The following LARGE1 variants were observed in gnomAD, a reference collection of about 807,000 sequenced individuals.
LARGE1 encodes LARGE xylosyl- and glucuronyltransferase 1.
Under a neutral mutation model 87.6 loss-of-function variants are expected in LARGE1, and 43 were observed. The observed-to-expected ratio is 0.49, with a 90% CI of 0.38 to 0.63. LARGE1 has a LOEUF of 0.63. LARGE1 is among the 30% of genes least tolerant of loss of function. The pLI, the probability that LARGE1 is intolerant of heterozygous loss-of-function variation, is 0.00. For synonymous variants in LARGE1, 434 were observed against 394.6 expected (o/e 1.10, Z -1.18); for missense variants, 802 against 1,000.2 (o/e 0.80, Z 2.67).
At chr22:33,907,353 CT>C (rs2065484386) in intron 1 of LARGE1, among the ~76,000 whole-genome samples, 1 of 152,224 alleles carries the variant, frequency 6.6e-6, no homozygotes, top group South Asian at 2.1e-4. Context: ...TCTTTAGGCA[CT>C]GCTGCTAAGC....
At chr22:33,765,206 ACTACTAGTAAGAGG>A (rs1485285073) in intron 1 of LARGE1, among the ~76,000 whole-genome samples, 4 of 152,142 alleles carry the variant, frequency 2.6e-5, no homozygotes, top group Non-Finnish European at 5.9e-5. Flanking sequence ...AGGATTATAC[ACTACTAGTAAGAGG>A]CAAAAACACC....
At chr22:33,920,668 G>C (rs1397485871), upstream of LARGE1, among the ~76,000 whole-genome samples, 1 of 145,572 alleles carries the variant, frequency 6.9e-6, no homozygotes, top group Admixed American at 6.8e-5. Context: ...TCACGGGAGC[G>C]GAGGCGCGGC....
intron 6 of LARGE1, among the ~76,000 whole-genome samples, chr22:33,524,184 A>G (rs1008239724): frequency 2.6e-5 from 4 of 151,708 alleles, no homozygotes; most frequent in African/African-American, 9.7e-5. Flanking sequence ...CCAGCTACTC[A>G]GGAGGCTGAG....
At chr22:33,537,421 C>G (rs2077073287) in intron 6 of LARGE1, among the ~76,000 whole-genome samples, 1 of 152,198 alleles carries the variant, frequency 6.6e-6, no homozygotes, top group Non-Finnish European at 1.5e-5. Context: ...CGCTTCTTCT[C>G]TCTGCAGCCA....
At chr22:33,303,233 G>A (rs1189328301) in intron 12 of LARGE1, among the ~76,000 whole-genome samples, 1 of 152,146 alleles carries the variant, frequency 6.6e-6, no homozygotes, top group South Asian at 2.1e-4. Context: ...CCATGATGTG[G>A]GGGGAGCTGG....
intron 5 of LARGE1, among the ~76,000 whole-genome samples, chr22:33,576,924 T>C (rs920178899): frequency 1.3e-5 from 2 of 152,178 alleles, no homozygotes; most frequent in Non-Finnish European, 2.9e-5. Flanking sequence ...GTGTAACCCA[T>C]CTATTCTTTT....
intron 6 of LARGE1, among the ~76,000 whole-genome samples, chr22:33,481,129 G>GC (rs2069303396): frequency 6.7e-6 from 1 of 148,420 alleles, no homozygotes; most frequent in Admixed American, 6.7e-5. Flanking sequence ...AAATTGCCCT[G>GC]CAAAAAAAAA....
intron 1 of LARGE1, among the ~76,000 whole-genome samples, chr22:33,857,997 C>G (rs2063803961): frequency 6.6e-6 from 1 of 152,138 alleles, no homozygotes. Flanking sequence ...TGGCAAGCCT[C>G]GTGTTCTCTG....
intron 7 of LARGE1, among the ~76,000 whole-genome samples, chr22:33,394,381 G>A (rs1027046036): frequency 6.6e-6 from 1 of 152,048 alleles, no homozygotes; most frequent in African/African-American, 2.4e-5. Flanking sequence ...TGTATTTTTA[G>A]TAGAGACGGG....
chr22:33,696,017 A>G (rs2082233836), intron 2 of LARGE1, among the ~76,000 whole-genome samples: 1 of 152,204 alleles, frequency 6.6e-6, no homozygotes, highest in Non-Finnish European at 1.5e-5. Flanking sequence ...CTCTCATAAC[A>G]TCAAGTTTCT....
intron 1 of LARGE1, among the ~76,000 whole-genome samples, chr22:33,788,304 C>T (rs1171949738): frequency 6.6e-6 from 1 of 152,194 alleles, no homozygotes; most frequent in East Asian, 1.9e-4. Flanking sequence ...TTCTCCTTTG[C>T]CTTCCCAGCC....
chr22:33,413,560 A>G (rs183450934), intron 7 of LARGE1, among the ~76,000 whole-genome samples: 3 of 151,792 alleles, frequency 2.0e-5, no homozygotes, highest in Non-Finnish European at 4.4e-5. Flanking sequence ...TGCCTGCCCA[A>G]TTCAAGCAAT....
At chr22:33,108,193 C>T in the LARGE1 span, among the ~76,000 whole-genome samples, 2 of 152,108 alleles carry the variant, frequency 1.3e-5, no homozygotes, top group South Asian at 4.2e-4. Flanking sequence ...CAGTACTCAG[C>T]GTGTACTCAT....
chr22:33,391,851 C>T (rs934326071), intron 7 of LARGE1, among the ~76,000 whole-genome samples: 9 of 148,064 alleles, frequency 6.1e-5, no homozygotes, highest in African/African-American at 2.2e-4. Flanking sequence ...CTCACTGCAA[C>T]CTCTGCCTCC....
intron 11 of LARGE1, among the ~76,000 whole-genome samples, chr22:33,315,743 C>A (rs140986902): frequency 0.01 from 1,591 of 152,204 alleles, 26 homozygotes; most frequent in African/African-American, 0.036. Flanking sequence ...CATTCTCCTG[C>A]CTCAGCCTCC....
intron 1 of LARGE1, among the ~76,000 whole-genome samples, chr22:33,832,568 GCATGGAAGT>G (rs2063001804): frequency 6.6e-6 from 1 of 152,304 alleles, no homozygotes; most frequent in South Asian, 2.1e-4. Flanking sequence ...GGCCTCAACA[GCATGGAAGT>G]CAGGAAGGGT....
chr22:33,553,631 C>G (rs906878352), intron 6 of LARGE1, among the ~76,000 whole-genome samples: 1 of 152,170 alleles, frequency 6.6e-6, no homozygotes, highest in East Asian at 1.9e-4. Flanking sequence ...TATCATGTCA[C>G]GTTACCCTCA....
chr22:33,144,181 T>G, the LARGE1 span, among the ~76,000 whole-genome samples: 1 of 152,160 alleles, frequency 6.6e-6, no homozygotes, highest in African/African-American at 2.4e-5. Flanking sequence ...AATTAGGGCC[T>G]GATTTCATGC....
chr22:33,549,077 T>G (rs1370104528), intron 6 of LARGE1, among the ~76,000 whole-genome samples: 1 of 152,194 alleles, frequency 6.6e-6, no homozygotes, highest in African/African-American at 2.4e-5. Context: ...CAGGACCTAC[T>G]CTGGTTGACA....
Sources: allele counts gnomAD v4.1 joint callset (sites outside exome capture counted in the v4.1 genomes callset), GRCh38; gene constraint gnomAD v4.1.1; transcripts MANE v1.5; gene names NCBI Gene and HGNC (gene_info 2026-07-23, HGNC 2026-07-21).